Variants in PROS1 observed in about 807,000 individuals in gnomAD.
PROS1 encodes the protein vitamin K-dependent protein S.
PROS1 carries 29 observed loss-of-function variants against 75.9 expected under a neutral mutation model. The observed-to-expected ratio is 0.38, with a 90% CI of 0.28 to 0.52. PROS1 has a LOEUF of 0.52. Ranked by LOEUF, PROS1 falls within the 20% of genes least tolerant of loss-of-function variation. The pLI is 0.83. For missense variants in PROS1, 680 were observed against 810.3 expected (o/e 0.84, Z 1.95); for synonymous variants, 245 against 280.6 (o/e 0.87, Z 1.27).
chr3:93,917,295 G>A (rs567416569), intron 3 of PROS1, among the ~76,000 whole-genome samples: 1 of 152,024 alleles, frequency 6.6e-6, no homozygotes, highest in African/African-American at 2.4e-5. Flanking sequence ...GTTTTGTTTT[G>A]TTTTTTGTTT....
intron 1 of PROS1, among the ~76,000 whole-genome samples, chr3:93,947,264 A>C (rs189793901): frequency 6.6e-6 from 1 of 152,158 alleles, no homozygotes; most frequent in Non-Finnish European, 1.5e-5. Flanking sequence ...ACAGTGTGGC[A>C]ATTTCTCAAG....
intron 1 of PROS1, among the ~76,000 whole-genome samples, chr3:93,939,358 C>T (rs1464117009): frequency 5.3e-5 from 8 of 152,088 alleles, no homozygotes; most frequent in Admixed American, 1.3e-4. Context: ...CAGTCCCAAC[C>T]CCAAGCGTCA....
intron 1 of PROS1, among the ~76,000 whole-genome samples, chr3:93,936,026 T>A: frequency 7.0e-6 from 1 of 142,242 alleles, no homozygotes; most frequent in African/African-American, 2.6e-5. Context: ...GTAAGTAAAA[T>A]GATAAAATAA....
At chr3:93,906,472 T>C (rs553579122) in intron 4 of PROS1, among the ~76,000 whole-genome samples, 1 of 152,300 alleles carries the variant, frequency 6.6e-6, no homozygotes, top group African/African-American at 2.4e-5. Context: ...GCTGCAGCTT[T>C]CCTGTCGTGG....
At chr3:93,956,565 C>A (rs868532309) in intron 1 of PROS1, among the ~76,000 whole-genome samples, 39 of 108,830 alleles carry the variant, frequency 3.6e-4, no homozygotes, top group Admixed American at 1.6e-3. Context: ...CACACACAAA[C>A]ACACACACAC....
intron 1 of PROS1, among the ~76,000 whole-genome samples, chr3:93,947,084 C>T (rs1709414226): frequency 6.6e-6 from 1 of 152,110 alleles, no homozygotes; most frequent in South Asian, 2.1e-4. Context: ...TCATCACTGG[C>T]CATCAGCGAA....
chr3:93,895,534 T>C (rs1380988995), intron 9 of PROS1, among the ~76,000 whole-genome samples: 1 of 152,252 alleles, frequency 6.6e-6, no homozygotes, highest in Non-Finnish European at 1.5e-5. Context: ...ATTTAATGAA[T>C]AATCATTCAT....
rs970033952 is a variant in PROS1, at chr3:93,966,788, C to T, written c.76+6886G>A. ...AGCCACTCAGGAGGCTGAGGCAGGG[C>T]GACAGAGCAAGACTCTGTTCCAAAA... On this transcript the variant is annotated intron_variant, in intron 1 of 14. Transcript: ENST00000394236. Among the ~76,000 whole-genome samples the T allele has an allele frequency of 6.3e-5, 9 of 142,380 alleles. No homozygotes were observed. In the South Asian group the frequency reaches 1.1e-3, roughly 17 times the overall value. The allele number at this position is 142,380 out of a possible 152,430, so 93.4% of individuals were successfully genotyped here.
At chr3:93,933,988 G>A (rs531518017) in intron 1 of PROS1, among the ~76,000 whole-genome samples, 120 of 141,782 alleles carry the variant, frequency 8.5e-4, no homozygotes, top group Middle Eastern at 3.8e-3. Context: ...CAGCCTGGGC[G>A]ACAGAAAGAG....
chr3:93,914,398 G>A (rs182578871), intron 3 of PROS1, among the ~76,000 whole-genome samples: 2 of 152,322 alleles, frequency 1.3e-5, no homozygotes, highest in Admixed American at 1.3e-4. Context: ...AGGCTTATGA[G>A]GTATGTACAT....
At chr3:93,949,170 T>A (rs1709453017) in intron 1 of PROS1, among the ~76,000 whole-genome samples, 1 of 152,122 alleles carries the variant, frequency 6.6e-6, no homozygotes, top group African/African-American at 2.4e-5. Context: ...CAAGAATCAT[T>A]CTCATCAACA....
chr3:93,965,893 T>C (rs1336533167), intron 1 of PROS1, among the ~76,000 whole-genome samples: 6 of 152,000 alleles, frequency 3.9e-5, no homozygotes, highest in Admixed American at 1.3e-4. Context: ...CAGGGTTTCA[T>C]CATGTTGGCC....
intron 1 of PROS1, among the ~76,000 whole-genome samples, chr3:93,932,622 T>A (rs949730105): frequency 2.0e-5 from 3 of 152,222 alleles, no homozygotes; most frequent in African/African-American, 7.2e-5. Flanking sequence ...ATAAAACCAT[T>A]GTGCAAACAT....
In PROS1 at chr3:93,893,839, A is replaced by G. The variant is rs1369286940; in HGVS notation, c.966-717T>C. Reference sequence around the variant, plus strand: ...AAAACTTAAAAGACATAGTCTACCCATGTGTTTGGGGGGTATCTGAGTGCT... The same window carrying G: ...AAAACTTAAAAGACATAGTCTACCCGTGTGTTTGGGGGGTATCTGAGTGCT... On this transcript the variant is annotated intron_variant, in intron 9 of 14. Coordinates refer to ENST00000394236, the MANE Select transcript of PROS1 (RefSeq NM_000313.4). Among the ~76,000 whole-genome samples, 4 of 152,192 alleles carry G rather than the reference A, an allele frequency of 2.6e-5. No homozygotes were observed. In the East Asian group the frequency reaches 5.8e-4, roughly 22 times the overall value.
chr3:93,921,545 G>A (rs1048442694), intron 3 of PROS1, among the ~76,000 whole-genome samples: 8 of 151,994 alleles, frequency 5.3e-5, no homozygotes, highest in South Asian at 2.1e-4. Flanking sequence ...CTTTGGCTGC[G>A]GTTTTAACTT....
chr3:93,912,571 T>C (rs1708775171), intron 3 of PROS1, among the ~76,000 whole-genome samples: 1 of 152,158 alleles, frequency 6.6e-6, no homozygotes. Flanking sequence ...CTGGAGCCCC[T>C]ATCTGAGTCC....
At chr3:93,949,549 C>A (rs550875499) in intron 1 of PROS1, among the ~76,000 whole-genome samples, 1 of 151,822 alleles carries the variant, frequency 6.6e-6, no homozygotes, top group Non-Finnish European at 1.5e-5. Context: ...AAAGATGCCA[C>A]TTACATGAAA....
intron 1 of PROS1, among the ~76,000 whole-genome samples, chr3:93,935,816 G>A (rs1049828680): frequency 2.6e-5 from 4 of 151,834 alleles, no homozygotes; most frequent in African/African-American, 9.7e-5. Context: ...TTAAGACACA[G>A]TCTAAATAAC....
At chr3:93,879,123 A>G (rs1212620619) in intron 13 of PROS1, 40 bp downstream of exon 13, 1 of 1,576,954 alleles carries the variant, frequency 6.3e-7, no homozygotes, top group South Asian at 1.1e-5. Flanking sequence ...TAAAAAATGA[A>G]AAGAAAAACA....
Sources: gnomAD v4.1 joint callset for allele counts (sites outside exome capture counted in the v4.1 genomes callset) on GRCh38, gnomAD v4.1.1 for gene constraint, MANE v1.5 for transcripts, NCBI Gene and HGNC (gene_info 2026-07-23, HGNC 2026-07-21) for gene names.